Variants in PACSIN2 observed in about 807,000 individuals in gnomAD.
PACSIN2 encodes protein kinase C and casein kinase substrate in neurons protein 2.
A neutral mutation model predicts 63.8 loss-of-function variants in PACSIN2; 25 were observed. The ratio of observed to expected loss-of-function variants is 0.39; its 90% CI spans 0.29 to 0.55. The LOEUF (loss-of-function observed/expected upper bound fraction) is 0.55, where lower values mean the gene tolerates loss of function less well. PACSIN2 is among the 20% of genes least tolerant of loss of function. PACSIN2 has a pLI of 0.62. For synonymous variants in PACSIN2, 255 were observed against 256.2 expected, an observed-to-expected ratio of 1.00 and a Z score of 0.05; for missense variants, 518 against 646.9, an observed-to-expected ratio of 0.80 and a Z score of 2.16.
At chr22:43,001,030 C>T (rs2413739) in intron 1 of PACSIN2, among the ~76,000 whole-genome samples, 64,844 of 152,034 alleles carry the variant, frequency 0.43, 14,360 homozygotes, top group African/African-American at 0.49. Flanking sequence ...CCTTGGGCCC[C>T]GTCCGACCTC....
intron 10 of PACSIN2, among the ~76,000 whole-genome samples, chr22:42,872,634 C>A (rs1434167073): frequency 6.6e-6 from 1 of 152,244 alleles, no homozygotes; most frequent in Admixed American, 6.5e-5. Context: ...AATCCCACAG[C>A]CATCACTCAC....
At chr22:42,892,495 G>A (rs1404702996) in intron 3 of PACSIN2, among the ~76,000 whole-genome samples, 2 of 152,198 alleles carry the variant, frequency 1.3e-5, no homozygotes, top group African/African-American at 2.4e-5. Context: ...TGGTAAGGGT[G>A]CTCTGTAAAC....
intron 2 of PACSIN2, among the ~76,000 whole-genome samples, chr22:42,894,393 C>T (rs1170112270): frequency 6.6e-6 from 1 of 152,150 alleles, no homozygotes; most frequent in Non-Finnish European, 1.5e-5. Context: ...GGCACGCATG[C>T]CATCACACCC....
chr22:43,014,929 G>A (rs534850223), intron 1 of PACSIN2, 92 bp downstream of exon 1: 1 of 149,540 alleles, frequency 6.7e-6, no homozygotes, highest in African/African-American at 2.4e-5. Flanking sequence ...CGGCCCTGAC[G>A]GGGCGCGGGC....
rs1226214068 is a variant in PACSIN2 at position 42,871,193 on chromosome 22, G to A, written c.*164C>T. On this transcript the variant is annotated 3_prime_UTR_variant, in exon 11 of 11. Coordinates refer to ENST00000263246, the MANE Select transcript of PACSIN2 (RefSeq NM_001184970.3). The surrounding 1 kb of genome is among the most constrained non-coding windows in gnomAD (Gnocchi z 5.4). ...CTCCAGCTGCACTCGGAAAGGTGCC[G>A]AGTCCCAGGCGAAATGACCAGCTCA... 9 of 624,268 alleles carry A rather than the reference G, an allele frequency of 1.4e-5. No individual in the cohort carries two copies. Among genetic ancestry groups the A allele is most frequent in the African/African-American group, 3.6e-5 (2 of 55,002 alleles). 38.7% of individuals were successfully genotyped at this position (624,268 alleles called of 1,614,324 possible).
intron 1 of PACSIN2, chr22:42,947,064 T>A (rs1933455807): frequency 6.6e-6 from 1 of 152,198 alleles, no homozygotes; most frequent in Non-Finnish European, 1.5e-5. Context: ...CTGCAAGTTT[T>A]CCAACTCAAG....
At chr22:42,906,616 A>G (rs1318936434) in intron 2 of PACSIN2, among the ~76,000 whole-genome samples, 2 of 152,188 alleles carry the variant, frequency 1.3e-5, no homozygotes, top group Admixed American at 1.3e-4. Context: ...GATCTTAGGA[A>G]AACTATTTTC....
At chr22:42,951,462 G>C (rs1447321857) in intron 1 of PACSIN2, among the ~76,000 whole-genome samples, 1 of 152,128 alleles carries the variant, frequency 6.6e-6, no homozygotes, top group African/African-American at 2.4e-5. Flanking sequence ...CTCTCCCTGA[G>C]CTCCAGATCC....
chr22:42,914,068 G>A (rs886789963), intron 1 of PACSIN2, among the ~76,000 whole-genome samples: 1 of 152,198 alleles, frequency 6.6e-6, no homozygotes, highest in African/African-American at 2.4e-5. Flanking sequence ...GGACTAAGAT[G>A]CATGCACGCT....
chr22:42,981,620 G>C (rs1316214717), intron 1 of PACSIN2, among the ~76,000 whole-genome samples: 159 of 90,902 alleles, frequency 1.7e-3, no homozygotes, highest in Non-Finnish European at 2.1e-3. Flanking sequence ...CCCTCTGCCC[G>C]GCCAGCCGCC....
intron 2 of PACSIN2, among the ~76,000 whole-genome samples, chr22:42,905,484 T>C (rs1429532467): frequency 1.3e-5 from 2 of 152,248 alleles, no homozygotes; most frequent in Non-Finnish European, 1.5e-5. Flanking sequence ...AGTGCCCAAC[T>C]ACCAGCAAGT....
chr22:42,991,425 A>G (rs1417100969), intron 1 of PACSIN2, among the ~76,000 whole-genome samples: 1 of 152,114 alleles, frequency 6.6e-6, no homozygotes, highest in Non-Finnish European at 1.5e-5. Flanking sequence ...CCAGGCACAG[A>G]AGGCTTCTTC....
At chr22:42,904,328 TG>T (rs1555913492) in intron 2 of PACSIN2, among the ~76,000 whole-genome samples, 5 of 152,216 alleles carry the variant, frequency 3.3e-5, no homozygotes, top group Non-Finnish European at 2.9e-5. Context: ...CCTGGGTCTC[TG>T]GGAAGACATG....
intron 1 of PACSIN2, among the ~76,000 whole-genome samples, chr22:42,949,169 A>G (rs1933566689): frequency 6.6e-6 from 1 of 152,220 alleles, no homozygotes; most frequent in South Asian, 2.1e-4. Context: ...GCACATTTTA[A>G]CTTCTAAGCT....
chr22:42,913,541 G>A (rs1239402327), intron 1 of PACSIN2, among the ~76,000 whole-genome samples: 1 of 149,988 alleles, frequency 6.7e-6, no homozygotes, highest in Non-Finnish European at 1.5e-5. Context: ...CAGAATTGCT[G>A]CAAGTCAAAT....
chr22:43,002,114 T>C (rs1923805769), intron 1 of PACSIN2, among the ~76,000 whole-genome samples: 1 of 152,140 alleles, frequency 6.6e-6, no homozygotes, highest in South Asian at 2.1e-4. Context: ...CTTCCCAGGT[T>C]CCCTTTGAGA....
chr22:42,883,862 G>C (rs1028479481), intron 6 of PACSIN2, among the ~76,000 whole-genome samples: 2 of 152,176 alleles, frequency 1.3e-5, no homozygotes, highest in African/African-American at 4.8e-5. Flanking sequence ...AAATTAGCTG[G>C]GTGTGGTGGC....
chr22:42,972,315 T>G (rs1054373632), intron 1 of PACSIN2, among the ~76,000 whole-genome samples: 18 of 152,186 alleles, frequency 1.2e-4, no homozygotes, highest in Non-Finnish European at 2.5e-4. Flanking sequence ...CAGCATGCTC[T>G]TTAAGAGTCA....
At chr22:42,901,409 T>C (rs1001161542) in intron 2 of PACSIN2, among the ~76,000 whole-genome samples, 19 of 152,204 alleles carry the variant, frequency 1.2e-4, no homozygotes, top group Admixed American at 3.3e-4. Context: ...CAAAATGCTT[T>C]CGATAACTTG....
Sources: gnomAD v4.1 joint callset for allele counts (sites outside exome capture counted in the v4.1 genomes callset) on GRCh38, gnomAD v4.1.1 for gene constraint, Gnocchi (gnomAD v3.1) non-coding constraint, MANE v1.5 for transcripts, NCBI Gene and HGNC (gene_info 2026-07-23, HGNC 2026-07-21) for gene names.